Variants in ADAD1 observed in about 807,000 individuals in gnomAD.
ADAD1 encodes the protein adenosine deaminase domain containing 1, also known as adenosine deaminase domain-containing protein 1.
In ADAD1, 46 loss-of-function variants were observed where a neutral mutation model predicts 66.8. The observed-to-expected ratio is 0.69, with a 90% CI of 0.54 to 0.88. ADAD1 has a LOEUF of 0.88. Ranked by LOEUF, ADAD1 falls within the 40% of genes least tolerant of loss-of-function variation. The pLI is 0.00. For synonymous variants in ADAD1, 248 were observed against 229.4 expected (o/e 1.08, Z -0.73); for missense variants, 617 against 681.8 (o/e 0.91, Z 1.06).
At chr4:122,412,330 G>T (rs1331083481) in intron 9 of ADAD1, among the ~76,000 whole-genome samples, 1 of 152,048 alleles carries the variant, frequency 6.6e-6, no homozygotes, top group Non-Finnish European at 1.5e-5. Context: ...GGTTTTAAGG[G>T]ACATAAAGTG....
intron 5 of ADAD1, among the ~76,000 whole-genome samples, chr4:122,385,082 A>T (rs1489461530): frequency 6.6e-6 from 1 of 152,132 alleles, no homozygotes; most frequent in East Asian, 1.9e-4. Flanking sequence ...TATTTGTGTT[A>T]TGAAAGGATG....
intron 9 of ADAD1, 149 bp from the exon 10 acceptor site, chr4:122,412,431 C>G (rs1796509051): frequency 1.5e-6 from 1 of 646,502 alleles, no homozygotes; most frequent in Middle Eastern, 4.3e-4. Context: ...CACTCCACTC[C>G]TACCTTGCTT....
At chr4:122,425,280 C>T (rs533100559) in intron 12 of ADAD1, among the ~76,000 whole-genome samples, 38 of 152,126 alleles carry the variant, frequency 2.5e-4, no homozygotes, top group Non-Finnish European at 4.4e-4. Context: ...CATTCTTCAG[C>T]ATAGGTCATA....
intron 8 of ADAD1, among the ~76,000 whole-genome samples, chr4:122,410,848 A>C (rs1357204580): frequency 6.6e-6 from 1 of 152,138 alleles, no homozygotes; most frequent in Non-Finnish European, 1.5e-5. Context: ...GGGGAAATAG[A>C]AGTAAGGCAG....
intron 5 of ADAD1, among the ~76,000 whole-genome samples, chr4:122,386,243 C>A (rs1003661620): frequency 6.6e-6 from 1 of 152,100 alleles, no homozygotes; most frequent in Non-Finnish European, 1.5e-5. Context: ...TTCTGACTGG[C>A]ATGAGATGGT....
At chr4:122,396,562 C>T (rs767427753) in intron 7 of ADAD1, among the ~76,000 whole-genome samples, 185 bp downstream of exon 7, 5 of 152,192 alleles carry the variant, frequency 3.3e-5, no homozygotes, top group Non-Finnish European at 7.3e-5. Context: ...CAGGACCCAA[C>T]AGAGAACTGC....
At chr4:122,386,202 G>C (rs28819446) in intron 5 of ADAD1, among the ~76,000 whole-genome samples, 24,855 of 151,988 alleles carry the variant, frequency 0.16, 3,591 homozygotes, top group African/African-American at 0.39. Context: ...TCACCAGCAT[G>C]TATTGTTTCC....
intron 11 of ADAD1, among the ~76,000 whole-genome samples, chr4:122,416,853 G>A (rs1796760474): frequency 6.6e-6 from 1 of 151,990 alleles, no homozygotes; most frequent in African/African-American, 2.4e-5. Flanking sequence ...AAATGACTTA[G>A]GCCAGCATAA....
intron 5 of ADAD1, among the ~76,000 whole-genome samples, chr4:122,384,301 T>C (rs1795053364): frequency 1.3e-5 from 2 of 152,224 alleles, no homozygotes; most frequent in Admixed American, 6.5e-5. Context: ...TTAGAGGTTT[T>C]AAATGCAGCG....
intron 6 of ADAD1, among the ~76,000 whole-genome samples, chr4:122,395,454 G>A (rs977025146): frequency 2.6e-5 from 4 of 152,142 alleles, no homozygotes; most frequent in Admixed American, 1.3e-4. Flanking sequence ...AGGCCAAGGC[G>A]GGTGGATCAT....
intron 10 of ADAD1, among the ~76,000 whole-genome samples, chr4:122,413,673 G>A (rs538109499): frequency 1.5e-4 from 23 of 151,844 alleles, no homozygotes; most frequent in African/African-American, 4.8e-4. Context: ...AATATAGTTC[G>A]TGGACTTTTA....
rs1794739390 is a variant in ADAD1 at position 122,379,047 on chromosome 4, C to T, written c.-151C>T. On this transcript the variant is annotated 5_prime_UTR_variant, in exon 1 of 13. Coordinates refer to ENST00000296513, the MANE Select transcript of ADAD1 (RefSeq NM_139243.4). Reference sequence around the variant, plus strand: ...GGCCACAGTGGAGGCCAAGCCTTCCCCATGGGCACCTTCTCAGATTGCGAT... The same window carrying T: ...GGCCACAGTGGAGGCCAAGCCTTCCTCATGGGCACCTTCTCAGATTGCGAT... The T allele has an allele frequency of 6.6e-6, 1 of 152,316 alleles. No homozygotes were observed. Among genetic ancestry groups the T allele is most frequent in the African/African-American group, 2.4e-5 (1 of 41,432 alleles). The allele number at this position is 152,316 out of a possible 1,614,324, so 9.4% of individuals were successfully genotyped here.
At position 122,415,458 on chromosome 4, in the gene ADAD1, TC is replaced by T. The variant is rs1471756143; in HGVS notation, c.1331del (p.Pro444GlnfsTer5). 6.2e-7 allele frequency: 1 copy of T among 1,613,942 alleles called. No homozygotes were observed. The highest frequency in any genetic ancestry group is 1.7e-5 in the Admixed American group (1 of 60,016). On this transcript the variant is annotated frameshift_variant, in exon 11 of 13. Transcript: ENST00000296513. LOFTEE classifies it high-confidence loss of function. ...RVDDALTSKL[P>X]MFYLVNRPHI... is the part of the protein sequence containing the mutation. The stretch of plus-strand genomic sequence containing the variant: ...TTGATGATGCACTCACTTCAAAACT[TC>T]CAATGTTTTACTTAGTCAACAGACC...
At chr4:122,425,033 A>G (rs932685314) in intron 12 of ADAD1, among the ~76,000 whole-genome samples, 1 of 152,126 alleles carries the variant, frequency 6.6e-6, no homozygotes, top group African/African-American at 2.4e-5. Flanking sequence ...ATGTGGGTGT[A>G]ACAACAAAGC....
At chr4:122,397,956 A>G (rs956158517) in intron 7 of ADAD1, among the ~76,000 whole-genome samples, 4 of 152,188 alleles carry the variant, frequency 2.6e-5, no homozygotes, top group African/African-American at 9.6e-5. Context: ...TAATCAGTAC[A>G]TATTTAAGAT....
chr4:122,381,866 G>A (rs1429365342), intron 4 of ADAD1, among the ~76,000 whole-genome samples: 1 of 151,998 alleles, frequency 6.6e-6, no homozygotes, highest in Non-Finnish European at 1.5e-5. Flanking sequence ...GTGTGTGTTT[G>A]TACACACACA....
intron 7 of ADAD1, among the ~76,000 whole-genome samples, chr4:122,407,013 A>G (rs760067252): frequency 2.0e-5 from 3 of 151,928 alleles, no homozygotes; most frequent in Non-Finnish European, 4.4e-5. Context: ...TATTCCTAAC[A>G]TCTACTTTTG....
chr4:122,396,252 A>G lies in ADAD1; in HGVS notation c.599A>G (p.Glu200Gly), dbSNP rs1561538203. ...AATTTATGTTTTGATTTTTTTCTAGAAGGGAGACATATTCAATATGCAAAG... is the reference window on the plus strand; with the variant it reads ...AATTTATGTTTTGATTTTTTTCTAGGAGGGAGACATATTCAATATGCAAAG... The part of the protein sequence containing the change: ...ELAYVSKVHY[E>G]GRHIQYAKIS... Residue 200 changes from glutamate (E) to glycine (G), a missense_variant and splice_region_variant, in exon 7 of 13, where the codon GAA becomes GGA. Glu to Gly is a moderately conservative substitution (Grantham distance 98). Coordinates refer to ENST00000296513, the MANE Select transcript of ADAD1 (RefSeq NM_139243.4). 6.4e-7 allele frequency: 1 copy of G among 1,573,218 alleles called. No individual in the cohort carries two copies. The highest frequency in any genetic ancestry group is 8.6e-7 in the Non-Finnish European group (1 of 1,164,326).
At position 122,421,265 on chromosome 4, in the gene ADAD1, C is replaced by A; in HGVS notation, c.1492C>A (p.Pro498Thr). Residue 498 changes from proline (P) to threonine (T), a missense_variant, in exon 12 of 13, where the codon CCA (proline) becomes ACA (threonine). Transcript: ENST00000296513. ...ATTTTATTTCTCTCTGCTTAGTTCC[C>A]CATTTAAAAGTGGTATGTCAATGGC... ...GLSGKITESS[P>T]FKSGMSMASR... 6.3e-7 allele frequency: 1 copy of A among 1,584,502 alleles called. No homozygotes were observed. The highest frequency in any genetic ancestry group is 1.2e-5 in the South Asian group (1 of 85,886).
Sources: gnomAD v4.1 joint callset for allele counts (sites outside exome capture counted in the v4.1 genomes callset) on GRCh38, gnomAD v4.1.1 for gene constraint, MANE v1.5 for transcripts, NCBI Gene and HGNC (gene_info 2026-07-23, HGNC 2026-07-21) for gene names.